PLB1: variants seen among roughly 807,000 people sequenced by gnomAD.
PLB1 encodes the protein phospholipase B1, membrane-associated.
A neutral mutation model predicts 227.4 loss-of-function variants in PLB1; 242 were observed. That is an observed-to-expected ratio of 1.06 (90% CI 0.96 to 1.18). The LOEUF is 1.18. Ranked by LOEUF, PLB1 falls within the 50% of genes most tolerant of loss-of-function variation. PLB1 has a pLI of 0.00. For missense variants in PLB1, 1,858 were observed against 1,816.3 expected, an observed-to-expected ratio of 1.02 and a Z score of -0.42; for synonymous variants, 757 against 682.2, an observed-to-expected ratio of 1.11 and a Z score of -1.71.
intron 44 of PLB1, 56 bp downstream of exon 44, chr2:28,614,152 G>A (rs1685864229): frequency 1.4e-6 from 2 of 1,475,638 alleles, no homozygotes; most frequent in South Asian, 1.1e-5. Flanking sequence ...CACCTGCCAG[G>A]GGCTCGGGTG....
In PLB1 at chr2:28,630,374, G is replaced by A. The variant is rs144577880; in HGVS notation, c.3819-212G>A. Among the ~76,000 whole-genome samples, 94 of 152,248 alleles carry A rather than the reference G, an allele frequency of 6.2e-4. 3 individuals are homozygous for A. The East Asian group carries it at 0.017, about 27-fold the overall frequency. On this transcript the variant is annotated intron_variant, in intron 53 of 57. Transcript: ENST00000327757. Reference sequence around the variant, plus strand: ...TGAACAATCATCCTCTGGACCTCAGGGCTCCTGAGTTAGCATTCTGTAACC... The same window carrying A: ...TGAACAATCATCCTCTGGACCTCAGAGCTCCTGAGTTAGCATTCTGTAACC...
At chr2:28,625,613 C>T (rs1188775291) in intron 50 of PLB1, among the ~76,000 whole-genome samples, 1 of 152,052 alleles carries the variant, frequency 6.6e-6, no homozygotes, top group Non-Finnish European at 1.5e-5. Context: ...TAGAGGGCCT[C>T]CCAGCCCCAA....
intron 14 of PLB1, among the ~76,000 whole-genome samples, chr2:28,544,504 C>T (rs1007863135): frequency 1.3e-5 from 2 of 152,218 alleles, no homozygotes; most frequent in African/African-American, 4.8e-5. Flanking sequence ...GTACCCTGCC[C>T]TTGTACCCTC....
intron 13 of PLB1, 52 bp from the exon 14 acceptor site, chr2:28,543,160 G>A (rs1672742314): frequency 3.9e-6 from 6 of 1,554,036 alleles, no homozygotes; most frequent in South Asian, 2.4e-5. Context: ...TAGCAGGTCC[G>A]TTGCATTCCT....
At chr2:28,565,000 A>G (rs754120587) in intron 18 of PLB1, among the ~76,000 whole-genome samples, 1 of 152,374 alleles carries the variant, frequency 6.6e-6, no homozygotes, top group Non-Finnish European at 1.5e-5. Context: ...TCTAATTTCA[A>G]GAGCACTTTT....
chr2:28,602,140 A>T (rs1684016447), intron 38 of PLB1, among the ~76,000 whole-genome samples, 176 bp downstream of exon 38: 1 of 152,210 alleles, frequency 6.6e-6, no homozygotes, highest in Admixed American at 6.5e-5. Context: ...TTTATATGGA[A>T]TCAGCCCAGA....
At chr2:28,629,329 A>C (rs924011806) in intron 53 of PLB1, 144 bp downstream of exon 53, 2 of 616,460 alleles carry the variant, frequency 3.2e-6, no homozygotes, top group Non-Finnish European at 5.5e-6. Context: ...CAACATCAGG[A>C]AGTACCTCTA....
chr2:28,612,472 G>A (rs1685597418), intron 43 of PLB1, among the ~76,000 whole-genome samples: 1 of 152,150 alleles, frequency 6.6e-6, no homozygotes, highest in Non-Finnish European at 1.5e-5. Context: ...TCACTCTGGG[G>A]CTCAGCAGCT....
rs374107968 is a variant in PLB1, at chr2:28,625,050, C to G, written c.3528-7C>G. 49 of 1,613,258 alleles carry G rather than the reference C, an allele frequency of 3.0e-5. No homozygotes were observed. The highest frequency in any genetic ancestry group is 4.5e-5 in the East Asian group (2 of 44,828). ...CACTAACGCCCCTCTCTCTACCCCC[C>G]ACCTAGGGACATGCCAGCCCAGGCC... On this transcript the variant is annotated splice_region_variant and splice_polypyrimidine_tract_variant and intron_variant, in intron 49 of 57. Transcript: ENST00000327757.
intron 46 of PLB1, 98 bp downstream of exon 46, chr2:28,618,497 T>G: frequency 2.3e-6 from 3 of 1,283,474 alleles, no homozygotes; most frequent in African/African-American, 1.5e-5. Flanking sequence ...CTTTCAGTGC[T>G]GAGCCCGTGT....
chr2:28,562,561 T>TAAAAAAAAAAAAAAA (rs1476459163), intron 17 of PLB1, among the ~76,000 whole-genome samples: 4 of 43,870 alleles, frequency 9.1e-5, no homozygotes, highest in Admixed American at 1.9e-4. Context: ...AAAAAAAAAG[T>TAAAAAAAAAAAAAAA]CAGTGGCATA....
chr2:28,591,487 C>T (rs967556053), intron 30 of PLB1, among the ~76,000 whole-genome samples: 3 of 152,162 alleles, frequency 2.0e-5, no homozygotes, highest in African/African-American at 4.8e-5. Context: ...TTGCATTGGA[C>T]GGTGGAGGGG....
chr2:28,566,191 A>G (rs1164540319), intron 19 of PLB1, among the ~76,000 whole-genome samples: 1 of 151,662 alleles, frequency 6.6e-6, no homozygotes, highest in East Asian at 1.9e-4. Context: ...ACACAGTTAA[A>G]CCCAAACATT....
intron 44 of PLB1, 26 bp downstream of exon 44, chr2:28,614,122 T>G: frequency 6.3e-7 from 1 of 1,586,804 alleles, no homozygotes; most frequent in Non-Finnish European, 8.7e-7. Flanking sequence ...CATCTGCCTC[T>G]CTCAGACACA....
At chr2:28,558,544 C>T (rs747720664) in intron 17 of PLB1, among the ~76,000 whole-genome samples, 4 of 152,184 alleles carry the variant, frequency 2.6e-5, no homozygotes, top group Non-Finnish European at 5.9e-5. Flanking sequence ...GATGGACACG[C>T]GCTAATGTGT....
At chr2:28,529,205 A>C (rs993353288) in intron 6 of PLB1, 112 bp from the exon 7 acceptor site, 2 of 698,608 alleles carry the variant, frequency 2.9e-6, no homozygotes, top group Non-Finnish European at 5.0e-6. Context: ...TCAGCCTCCC[A>C]AGGTACTGAG....
chr2:28,510,420 C>A (rs1056344596), intron 1 of PLB1, among the ~76,000 whole-genome samples: 1 of 152,056 alleles, frequency 6.6e-6, no homozygotes, highest in African/African-American at 2.4e-5. Context: ...TGCCAAGGGG[C>A]AGCTTGCTTC....
At chr2:28,514,825 C>T (rs565472936) in intron 1 of PLB1, among the ~76,000 whole-genome samples, 1 of 152,236 alleles carries the variant, frequency 6.6e-6, no homozygotes, top group African/African-American at 2.4e-5. Flanking sequence ...CTAGCAATGT[C>T]ATCTTTTTCT....
chr2:28,573,379 G>A, intron 21 of PLB1, 74 bp downstream of exon 21: 1 of 1,112,992 alleles, frequency 9.0e-7, no homozygotes, highest in Admixed American at 1.8e-5. Flanking sequence ...CCTAAACTGG[G>A]TTTATGGCTG....
Sources: gnomAD v4.1 joint callset for allele counts (sites outside exome capture counted in the v4.1 genomes callset) on GRCh38, gnomAD v4.1.1 for gene constraint, MANE v1.5 for transcripts, NCBI Gene and HGNC (gene_info 2026-07-23, HGNC 2026-07-21) for gene names.